Variants in RAP1GAP2 observed in about 807,000 individuals in gnomAD.
RAP1GAP2 encodes RAP1 GTPase activating protein 2.
In RAP1GAP2, 27 loss-of-function variants were observed where a neutral mutation model predicts 95.0. The observed-to-expected ratio is 0.28, with a 90% CI of 0.21 to 0.39. The LOEUF (loss-of-function observed/expected upper bound fraction) is 0.39. Ranked by LOEUF, RAP1GAP2 falls within the 10% of genes least tolerant of loss-of-function variation. The pLI is 1.00. For missense variants in RAP1GAP2, 771 were observed against 970.0 expected (o/e 0.79, Z 2.72); for synonymous variants, 373 against 380.9 (o/e 0.98, Z 0.24).
chr17:2,997,922 CAAAAAAAAAAA>C (rs1313908992), intron 13 of RAP1GAP2, among the ~76,000 whole-genome samples: 1 of 67,732 alleles, frequency 1.5e-5, no homozygotes. Flanking sequence ...GACCCTGTCT[CAAAAAAAAAAA>C]AAAAAGAAAA....
chr17:2,963,547 CA>C lies in RAP1GAP2; in HGVS notation c.279+86del. 1 of 1,560,780 alleles carries C rather than the reference CA, an allele frequency of 6.4e-7. No individual in the cohort carries two copies. Among genetic ancestry groups the C allele is most frequent in the Non-Finnish European group, 8.8e-7 (1 of 1,132,402 alleles). ...GGAAATGATGGCGATGGCCTGTGCCCAGCCCCCCAGGGGAGAGAACCTTGGG... is the reference window on the plus strand; with the variant it reads ...GGAAATGATGGCGATGGCCTGTGCCCGCCCCCCAGGGGAGAGAACCTTGGG... On this transcript the variant is annotated intron_variant, in intron 6 of 24. Coordinates refer to ENST00000254695, the MANE Select transcript of RAP1GAP2 (RefSeq NM_015085.5). This position sits in a 1 kb window ranked among gnomAD's most constrained non-coding sequence, Gnocchi z 4.8.
chr17:2,978,573 G>A (rs1273100127), intron 8 of RAP1GAP2, among the ~76,000 whole-genome samples: 2 of 152,086 alleles, frequency 1.3e-5, no homozygotes, highest in African/African-American at 4.8e-5. Context: ...TTTTTTGGCC[G>A]TGGTTGACTG....
Position 2,963,592 on chromosome 17 carries a change from G to C in RAP1GAP2, c.279+130G>C. On this transcript the variant is annotated intron_variant, in intron 6 of 24. Transcript: ENST00000254695. This position sits in a 1 kb window ranked among gnomAD's most constrained non-coding sequence, Gnocchi z 4.8. ...CCTTGGGCCTGGGACCTCTCTTCCT[G>C]TCTTTGCCTTTGTAACCTCAGCTTC... 1 of 1,263,004 alleles carries C rather than the reference G, an allele frequency of 7.9e-7. No individual in the cohort carries two copies. Among genetic ancestry groups the C allele is most frequent in the Non-Finnish European group, 1.1e-6 (1 of 879,552 alleles). 78.2% of individuals were successfully genotyped at this position (1,263,004 alleles called of 1,614,324 possible).
intron 2 of RAP1GAP2, among the ~76,000 whole-genome samples, chr17:2,814,639 G>A (rs188511769): frequency 1.3e-5 from 2 of 152,182 alleles, no homozygotes; most frequent in African/African-American, 4.8e-5. Flanking sequence ...TGCCCAGCTC[G>A]GGCTGTCTCA....
intron 2 of RAP1GAP2, among the ~76,000 whole-genome samples, chr17:2,873,102 GA>G (rs780938204): frequency 6.3e-4 from 80 of 127,192 alleles, no homozygotes; most frequent in African/African-American, 6.1e-4. Context: ...GACTTTGTCT[GA>G]AAAAAAAAAA....
At chr17:2,890,951 G>T (rs978376308) in intron 2 of RAP1GAP2, among the ~76,000 whole-genome samples, 2 of 151,868 alleles carry the variant, frequency 1.3e-5, no homozygotes, top group Non-Finnish European at 2.9e-5. Context: ...CTCCCAAAGT[G>T]CTGGGATTAC....
rs890583253 is a variant in RAP1GAP2 at position 3,029,940 on chromosome 17, TTA to T, written c.2108-980_2108-979del. Among the ~76,000 whole-genome samples the T allele has an allele frequency of 1.3e-5, 2 of 151,978 alleles. No individual in the cohort carries two copies. The highest frequency in any genetic ancestry group is 2.9e-5 in the Non-Finnish European group (2 of 68,018). ...TTTTAGTGGTGTTTGCTTCACCTTT[TTA>T]TCTGTAGCCAACTTAAGGCTGCAGG... is the stretch of plus-strand genomic sequence containing the variant. On this transcript the variant is annotated intron_variant, in intron 22 of 24. Coordinates refer to ENST00000254695, the MANE Select transcript of RAP1GAP2 (RefSeq NM_015085.5). This position sits in a 1 kb window ranked among gnomAD's most constrained non-coding sequence, Gnocchi z 4.4.
chr17:2,796,424 C>T (rs2069083731), upstream of RAP1GAP2: 26 of 1,321,882 alleles, frequency 2.0e-5, no homozygotes, highest in Middle Eastern at 2.4e-4. The surrounding 1 kb of genome is among the most constrained non-coding windows in gnomAD (Gnocchi z 4.7). Context: ...CTGGGCTCCC[C>T]GCCCTGCACC....
At chr17:2,884,375 T>TG (rs1567740604) in intron 2 of RAP1GAP2, among the ~76,000 whole-genome samples, 6 of 135,208 alleles carry the variant, frequency 4.4e-5, no homozygotes, top group Admixed American at 7.0e-5. Flanking sequence ...TTGAGTTGTT[T>TG]TTTTTTTTTT....
rs546021168 is a variant in RAP1GAP2 at position 3,012,524 on chromosome 17, A to G, written c.1494+4379A>G. 2.9e-5 allele frequency among the ~76,000 whole-genome samples: 4 copies of G among 138,822 alleles called. No homozygotes were observed. The East Asian group carries it at 9.4e-4, about 33-fold the overall frequency. 91.1% of individuals were successfully genotyped at this position (138,822 alleles called of 152,430 possible). On this transcript the variant is annotated intron_variant, in intron 17 of 24. Transcript: ENST00000254695. Reference sequence around the variant, plus strand: ...TCCCAGCTACTTGGGAGGCTGGGGCAGGAGAATTGCTCAAACCTGGGAGGT... The same window carrying G: ...TCCCAGCTACTTGGGAGGCTGGGGCGGGAGAATTGCTCAAACCTGGGAGGT...
Position 2,965,217 on chromosome 17 carries a change from C to T in RAP1GAP2, c.493-323C>T. 2.8e-6 allele frequency: 1 copy of T among 362,634 alleles called. No homozygotes were observed. The highest frequency in any genetic ancestry group is 5.2e-6 in the Non-Finnish European group (1 of 193,128). 22.5% of individuals were successfully genotyped at this position (362,634 alleles called of 1,614,324 possible). A position where few individuals can be genotyped will look rare whatever the true frequency, so the allele number is the denominator to read the frequency against. On this transcript the variant is annotated intron_variant, in intron 7 of 24. Coordinates refer to ENST00000254695, the MANE Select transcript of RAP1GAP2 (RefSeq NM_015085.5). This position sits in a 1 kb window ranked among gnomAD's most constrained non-coding sequence, Gnocchi z 4.7. ...GTGCGTTTGAACCCTGGATCTGTCC[C>T]TTACTCATCGTGTCATCCTGGGCAG...
chr17:2,757,957 C>T (rs1336839597), intron 1 of RAP1GAP2, among the ~76,000 whole-genome samples: 1 of 151,920 alleles, frequency 6.6e-6, no homozygotes, highest in Admixed American at 6.6e-5. Context: ...GCAAGCTCCG[C>T]CTGCCGGGTT....
intron 2 of RAP1GAP2, among the ~76,000 whole-genome samples, chr17:2,839,158 C>T (rs760049087): frequency 2.0e-5 from 3 of 151,906 alleles, no homozygotes; most frequent in Non-Finnish European, 4.4e-5. Context: ...CAAAAATTAG[C>T]AGGACATGGT....
intron 2 of RAP1GAP2, among the ~76,000 whole-genome samples, chr17:2,877,330 T>C (rs1373965299): frequency 6.6e-6 from 1 of 152,240 alleles, no homozygotes; most frequent in Non-Finnish European, 1.5e-5. Flanking sequence ...ACCTGGATTA[T>C]TGAGGAACCT....
At chr17:2,905,191 A>G (rs754079081) in intron 2 of RAP1GAP2, 93 bp from the exon 3 acceptor site, 32 of 1,204,538 alleles carry the variant, frequency 2.7e-5, no homozygotes, top group Admixed American at 4.1e-5. Flanking sequence ...CCTGCATTGT[A>G]TGTTAAACTG....
At chr17:2,847,426 C>T (rs2071637208) in intron 2 of RAP1GAP2, among the ~76,000 whole-genome samples, 1 of 152,142 alleles carries the variant, frequency 6.6e-6, no homozygotes, top group African/African-American at 2.4e-5. Flanking sequence ...CTACCCAAAG[C>T]CCTAGTCGCC....
chr17:2,933,643 C>T (rs1168561908), intron 3 of RAP1GAP2, among the ~76,000 whole-genome samples: 1 of 152,262 alleles, frequency 6.6e-6, no homozygotes, highest in East Asian at 1.9e-4. Context: ...CACTTTCCTG[C>T]CTCTAAGCCT....
intron 2 of RAP1GAP2, among the ~76,000 whole-genome samples, chr17:2,891,630 T>G (rs1597529727): frequency 6.6e-6 from 1 of 150,754 alleles, no homozygotes; most frequent in South Asian, 2.1e-4. Flanking sequence ...GGTGCAAGGG[T>G]GTGAATTTTT....
intron 3 of RAP1GAP2, among the ~76,000 whole-genome samples, chr17:2,955,361 C>T (rs900944945): frequency 2.0e-5 from 3 of 152,170 alleles, no homozygotes; most frequent in Admixed American, 6.5e-5. Context: ...TTTTGATTTG[C>T]ATTTCCTGAT....
Sources: allele counts gnomAD v4.1 joint callset (sites outside exome capture counted in the v4.1 genomes callset), GRCh38; gene constraint gnomAD v4.1.1; non-coding constraint Gnocchi (gnomAD v3.1); transcripts MANE v1.5; gene names NCBI Gene and HGNC (gene_info 2026-07-23, HGNC 2026-07-21).